SCOC: variants seen among roughly 807,000 people sequenced by gnomAD.
The protein encoded by SCOC is short coiled-coil protein.
A neutral mutation model predicts 9.9 loss-of-function variants in SCOC; 7 were observed. That is an observed-to-expected ratio of 0.71 (90% CI 0.40 to 1.33). SCOC has a LOEUF of 1.33. Ranked by LOEUF, SCOC falls within the 40% of genes most tolerant of loss-of-function variation. SCOC has a pLI of 0.01. For synonymous variants in SCOC, 19 were observed against 28.2 expected, an observed-to-expected ratio of 0.67 and a Z score of 1.03; for missense variants, 66 against 89.7, an observed-to-expected ratio of 0.74 and a Z score of 1.07.
At chr4:140,281,298 C>T (rs543626440) in intron 1 of SCOC, among the ~76,000 whole-genome samples, 4 of 151,730 alleles carry the variant, frequency 2.6e-5, no homozygotes, top group Non-Finnish European at 2.9e-5. Flanking sequence ...AGGAATTTTA[C>T]GCTAATGAGA....
At chr4:140,273,139 T>C (rs1044841564) in intron 1 of SCOC, among the ~76,000 whole-genome samples, 1 of 152,142 alleles carries the variant, frequency 6.6e-6, no homozygotes, top group Non-Finnish European at 1.5e-5. Flanking sequence ...CCACAGCTCC[T>C]TCCTGAGGAG....
At chr4:140,273,869 C>A (rs1351646990) in intron 1 of SCOC, among the ~76,000 whole-genome samples, 1 of 152,134 alleles carries the variant, frequency 6.6e-6, no homozygotes, top group Non-Finnish European at 1.5e-5. Context: ...CAGTTTAAAG[C>A]TTATAATAAT....
At chr4:140,351,085 G>T (rs943353360) in intron 2 of SCOC, among the ~76,000 whole-genome samples, 1 of 151,982 alleles carries the variant, frequency 6.6e-6, no homozygotes, top group Non-Finnish European at 1.5e-5. Flanking sequence ...AGCTACTCGG[G>T]AGGCTGAGGC....
chr4:140,333,161 C>T (rs965309394), intron 1 of SCOC, among the ~76,000 whole-genome samples: 15 of 152,140 alleles, frequency 9.9e-5, no homozygotes, highest in Admixed American at 3.3e-4. Flanking sequence ...CAGATGCCCT[C>T]GGGCTGGCTC....
rs1728664276 is a variant in SCOC at position 140,385,301 on chromosome 4, G to A, written c.*4197G>A. ...TGACTCAGACACCAATATGGTTTGG[G>A]GCAACACCTATAATCAAGTATATTA... On this transcript the variant is annotated 3_prime_UTR_variant, in exon 4 of 4. Coordinates refer to ENST00000608372, the MANE Select transcript of SCOC (RefSeq NM_001153484.2). The A allele has an allele frequency of 6.6e-6, 1 of 152,028 alleles. No individual in the cohort carries two copies. Among genetic ancestry groups the A allele is most frequent in the Non-Finnish European group, 1.5e-5 (1 of 68,026 alleles). 9.4% of individuals were successfully genotyped at this position (152,028 alleles called of 1,614,324 possible). A position where few individuals can be genotyped will look rare whatever the true frequency, so the allele number is the denominator to read the frequency against.
chr4:140,312,159 C>G (rs1389485040), intron 1 of SCOC, among the ~76,000 whole-genome samples: 2 of 152,262 alleles, frequency 1.3e-5, no homozygotes, highest in Non-Finnish European at 2.9e-5. Flanking sequence ...ACATGTCAGA[C>G]CTAAGATCTA....
chr4:140,274,605 G>A (rs1465856233), intron 1 of SCOC, among the ~76,000 whole-genome samples: 1 of 152,030 alleles, frequency 6.6e-6, no homozygotes, highest in Non-Finnish European at 1.5e-5. Context: ...GTGTTCTGCC[G>A]CAAAAAGGGA....
At chr4:140,289,362 C>T (rs779903130) in intron 1 of SCOC, among the ~76,000 whole-genome samples, 18 of 152,170 alleles carry the variant, frequency 1.2e-4, no homozygotes, top group Non-Finnish European at 1.9e-4. Context: ...AGTGAGTTTT[C>T]GGGATTTCAA....
rs1314722111 is a variant in SCOC at position 140,295,956 on chromosome 4, G to GA, written c.-19+38557dup. On this transcript the variant is annotated intron_variant, in intron 1 of 4. Transcript: ENST00000394205. ...AAAAAAAAAAAAAAAAAGAAAGAAA[G>GA]AAAAAAAAAAAGAAAATCACCTGGA... is the stretch of plus-strand genomic sequence containing the variant. 3.9e-3 allele frequency among the ~76,000 whole-genome samples: 512 copies of GA among 132,482 alleles called. 4 individuals carry two copies. The highest frequency in any genetic ancestry group is 0.012 in the African/African-American group (422 of 34,156). The allele number at this position is 132,482 out of a possible 152,430, so 86.9% of individuals were successfully genotyped here.
intron 1 of SCOC, among the ~76,000 whole-genome samples, chr4:140,318,472 T>C (rs1378178900): frequency 9.9e-6 from 1 of 100,810 alleles, no homozygotes; most frequent in Non-Finnish European, 1.8e-5. Flanking sequence ...AAAAAACACA[T>C]GAAAAAATGC....
At chr4:140,308,581 C>A (rs956423821) in intron 1 of SCOC, among the ~76,000 whole-genome samples, 2 of 152,106 alleles carry the variant, frequency 1.3e-5, no homozygotes, top group African/African-American at 2.4e-5. Context: ...TCTGGGAGCC[C>A]GTGTGTCGAT....
chr4:140,287,777 G>A (rs779133232), intron 1 of SCOC, among the ~76,000 whole-genome samples: 3 of 151,958 alleles, frequency 2.0e-5, no homozygotes, highest in Middle Eastern at 3.4e-3. Flanking sequence ...TGCACTATAC[G>A]TACCATGCAT....
upstream of SCOC, among the ~76,000 whole-genome samples, chr4:140,371,137 G>A (rs1178326922): frequency 1.3e-5 from 2 of 152,004 alleles, no homozygotes; most frequent in South Asian, 2.1e-4. Flanking sequence ...CACCCGCCTC[G>A]ACCTCCCAAA....
At chr4:140,284,961 C>A (rs1731189902) in intron 1 of SCOC, 4 of 262,484 alleles carry the variant, frequency 1.5e-5, no homozygotes, top group East Asian at 9.4e-5. Flanking sequence ...TACAATCATG[C>A]AAATTTAAGT....
chr4:140,330,456 G>A lies in SCOC; in HGVS notation c.-18-13165G>A, dbSNP rs570125224. Among the ~76,000 whole-genome samples, 3 of 152,244 alleles carry A rather than the reference G, an allele frequency of 2.0e-5. No homozygotes were observed. The South Asian group carries it at 6.2e-4, about 32-fold the overall frequency. On this transcript the variant is annotated intron_variant, in intron 1 of 4. Coordinates refer to the SCOC transcript ENST00000394205. ...TAAAAATTAAAAAACAAAAAATGCT[G>A]AAGCTTTTTGTTAAAGAGCACTTAA...
chr4:140,377,510 C>A (rs2126596862), intron 1 of SCOC, among the ~76,000 whole-genome samples: 1 of 152,192 alleles, frequency 6.6e-6, no homozygotes, highest in Non-Finnish European at 1.5e-5. Flanking sequence ...TAATTGTATA[C>A]CATTTGTAGT....
chr4:140,380,883 G>C, intron 3 of SCOC, 79 bp from the exon 4 acceptor site: 1 of 1,127,756 alleles, frequency 8.9e-7, no homozygotes, highest in Non-Finnish European at 1.2e-6. Flanking sequence ...TTTCTTTTAA[G>C]AATGAATCCT....
At chr4:140,287,602 T>G (rs1319868304) in intron 1 of SCOC, among the ~76,000 whole-genome samples, 3 of 151,740 alleles carry the variant, frequency 2.0e-5, no homozygotes, top group African/African-American at 7.3e-5. Context: ...ATCACACATA[T>G]GTACACACAC....
intron 2 of SCOC, among the ~76,000 whole-genome samples, chr4:140,364,503 T>C (rs1727703201): frequency 4.6e-5 from 7 of 152,138 alleles, no homozygotes; most frequent in Admixed American, 4.6e-4. Context: ...CATTTATTAG[T>C]AAGGAAGAGA....
Sources: allele counts gnomAD v4.1 joint callset (sites outside exome capture counted in the v4.1 genomes callset), GRCh38; gene constraint gnomAD v4.1.1; transcripts MANE v1.5; gene names NCBI Gene and HGNC (gene_info 2026-07-23, HGNC 2026-07-21).